TBC1D22A: variants seen among roughly 807,000 people sequenced by gnomAD.
TBC1D22A encodes the protein TBC1 domain family member 22A.
TBC1D22A carries 38 observed loss-of-function variants against 60.2 expected under a neutral mutation model. That is an observed-to-expected ratio of 0.63 (90% CI 0.49 to 0.83). The LOEUF (loss-of-function observed/expected upper bound fraction) is 0.83, where lower values mean the gene tolerates loss of function less well. TBC1D22A is among the 40% of genes least tolerant of loss of function. The pLI is 0.00. For synonymous variants in TBC1D22A, 302 were observed against 281.7 expected, an observed-to-expected ratio of 1.07 and a Z score of -0.72; for missense variants, 628 against 701.0, an observed-to-expected ratio of 0.90 and a Z score of 1.18.
intron 4 of TBC1D22A, among the ~76,000 whole-genome samples, chr22:46,823,884 C>A (rs2085935821): frequency 6.6e-6 from 1 of 152,186 alleles, no homozygotes; most frequent in Non-Finnish European, 1.5e-5. Flanking sequence ...ACCCCATCCG[C>A]ACACAAGTGG....
chr22:47,137,251 A>G (rs1403889981), intron 12 of TBC1D22A, among the ~76,000 whole-genome samples: 1 of 152,186 alleles, frequency 6.6e-6, no homozygotes, highest in African/African-American at 2.4e-5. Flanking sequence ...CACACAGAAG[A>G]AGTTGCATTG....
At chr22:47,040,768 C>G (rs925685735) in intron 11 of TBC1D22A, among the ~76,000 whole-genome samples, 1 of 152,152 alleles carries the variant, frequency 6.6e-6, no homozygotes, top group African/African-American at 2.4e-5. Context: ...CAGGTTCTGA[C>G]AGGACATTCA....
At chr22:46,886,658 TACTC>T (rs1176394985) in intron 5 of TBC1D22A, among the ~76,000 whole-genome samples, 3 of 152,180 alleles carry the variant, frequency 2.0e-5, no homozygotes, top group Non-Finnish European at 4.4e-5. Flanking sequence ...ATAATCAAAA[TACTC>T]ACAAATTGGG....
chr22:47,083,509 C>G (rs1034941204), intron 11 of TBC1D22A, among the ~76,000 whole-genome samples: 1 of 152,126 alleles, frequency 6.6e-6, no homozygotes, highest in Admixed American at 6.5e-5. Flanking sequence ...CGGTTCTCCC[C>G]AGGTAGTGAG....
At chr22:46,775,698 G>T (rs150286639) in intron 1 of TBC1D22A, among the ~76,000 whole-genome samples, 71 of 152,330 alleles carry the variant, frequency 4.7e-4, no homozygotes, top group African/African-American at 1.7e-3. Flanking sequence ...GTAACAGCTT[G>T]TGCATCAGCC....
intron 12 of TBC1D22A, among the ~76,000 whole-genome samples, chr22:47,127,224 T>C (rs1165393237): frequency 2.3e-5 from 3 of 132,638 alleles, no homozygotes; most frequent in Non-Finnish European, 4.7e-5. Flanking sequence ...TTTTTTTCTT[T>C]TTCTCTTTTT....
chr22:46,891,201 C>G, intron 5 of TBC1D22A, 65 bp from the exon 6 acceptor site: 1 of 1,484,550 alleles, frequency 6.7e-7, no homozygotes, highest in Admixed American at 2.5e-5. Flanking sequence ...TTATTTCACG[C>G]TTAATAATAG....
At chr22:46,891,180 T>G (rs562777960) in intron 5 of TBC1D22A, 86 bp from the exon 6 acceptor site, 2 of 1,412,186 alleles carry the variant, frequency 1.4e-6, no homozygotes. Flanking sequence ...TTAGGTATGA[T>G]GCAAGTCTTT....
At chr22:47,018,984 C>T (rs1002601504) in intron 10 of TBC1D22A, among the ~76,000 whole-genome samples, 2 of 148,344 alleles carry the variant, frequency 1.3e-5, no homozygotes, top group African/African-American at 4.9e-5. Context: ...TGACAGCCCC[C>T]GTGCTCCTTG....
At chr22:47,125,308 GC>G (rs1280698276) in intron 12 of TBC1D22A, among the ~76,000 whole-genome samples, 1 of 152,236 alleles carries the variant, frequency 6.6e-6, no homozygotes, top group Admixed American at 6.5e-5. Context: ...GTTCCCCGGG[GC>G]GGGGCTTTCT....
chr22:46,865,659 C>T (rs1371641760), intron 4 of TBC1D22A, among the ~76,000 whole-genome samples: 3 of 152,230 alleles, frequency 2.0e-5, no homozygotes, highest in African/African-American at 7.2e-5. Context: ...TCCAGATTCC[C>T]CTGCACAGGC....
chr22:46,975,321 A>G (rs937527418), intron 9 of TBC1D22A, among the ~76,000 whole-genome samples: 6 of 152,082 alleles, frequency 3.9e-5, no homozygotes, highest in Non-Finnish European at 8.8e-5. Flanking sequence ...GACCCCAAAG[A>G]CCCAAAGGTG....
At chr22:46,839,098 T>G (rs1569112454) in intron 4 of TBC1D22A, among the ~76,000 whole-genome samples, 1 of 152,176 alleles carries the variant, frequency 6.6e-6, no homozygotes, top group African/African-American at 2.4e-5. Flanking sequence ...TAGATAACCC[T>G]AAGGACTCCA....
intron 1 of TBC1D22A, chr22:46,774,240 G>A: frequency 2.0e-6 from 2 of 985,630 alleles, no homozygotes; most frequent in South Asian, 4.7e-5. Flanking sequence ...AGTGAGGTGA[G>A]CAGCTTGTTC....
At chr22:47,127,801 T>G (rs1191118195) in intron 12 of TBC1D22A, among the ~76,000 whole-genome samples, 3 of 151,850 alleles carry the variant, frequency 2.0e-5, no homozygotes, top group Non-Finnish European at 4.4e-5. Context: ...GTGCTGCTCT[T>G]GGCGCCTGCT....
intron 12 of TBC1D22A, among the ~76,000 whole-genome samples, chr22:47,141,752 A>G (rs1235609890): frequency 1.1e-4 from 16 of 151,884 alleles, no homozygotes; most frequent in Non-Finnish European, 2.9e-5. Context: ...AAAGGTGGGA[A>G]GAAGGAAGAA....
chr22:47,006,491 C>G (rs987282799), intron 10 of TBC1D22A, among the ~76,000 whole-genome samples: 3 of 152,140 alleles, frequency 2.0e-5, no homozygotes, highest in Non-Finnish European at 4.4e-5. Flanking sequence ...TGGCGGTGAC[C>G]CCGGGTGGTG....
chr22:46,853,742 T>C (rs981513884), intron 4 of TBC1D22A, among the ~76,000 whole-genome samples: 3 of 152,162 alleles, frequency 2.0e-5, no homozygotes, highest in Non-Finnish European at 4.4e-5. Context: ...AAGAGGTTCA[T>C]TGTTCAACAG....
intron 9 of TBC1D22A, among the ~76,000 whole-genome samples, chr22:46,977,861 A>G (rs1464652444): frequency 2.0e-5 from 3 of 152,196 alleles, no homozygotes; most frequent in Non-Finnish European, 4.4e-5. Context: ...GTGCTAACCC[A>G]TTAGAAACCG....
Sources: gnomAD v4.1 joint callset for allele counts (sites outside exome capture counted in the v4.1 genomes callset) on GRCh38, gnomAD v4.1.1 for gene constraint, MANE v1.5 for transcripts, NCBI Gene and HGNC (gene_info 2026-07-23, HGNC 2026-07-21) for gene names.